The following EPHA5 variants were observed in gnomAD, a reference collection of about 807,000 sequenced individuals.
EPHA5 encodes EPH receptor A5.
Under a neutral mutation model 105.0 loss-of-function variants are expected in EPHA5, and 60 were observed. The observed-to-expected ratio is 0.57, with a 90% CI of 0.46 to 0.71. EPHA5 has a LOEUF of 0.71. Among genes scored for constraint, EPHA5 ranks in the 30% least tolerant of loss-of-function variants. The pLI is 0.00. For synonymous variants in EPHA5, 513 were observed against 449.1 expected (o/e 1.14, Z -1.80); for missense variants, 1,218 against 1,274.7 (o/e 0.96, Z 0.68).
intron 3 of EPHA5, among the ~76,000 whole-genome samples, chr4:65,527,651 T>C (rs528859894): frequency 2.3e-4 from 35 of 152,114 alleles, no homozygotes; most frequent in Non-Finnish European, 3.7e-4. Context: ...TACTGGAACA[T>C]ACTAGGAAGT....
intron 3 of EPHA5, among the ~76,000 whole-genome samples, chr4:65,521,086 T>G (rs1367203884): frequency 6.6e-6 from 1 of 152,146 alleles, no homozygotes; most frequent in African/African-American, 2.4e-5. Context: ...GTATGTTTAT[T>G]GCGGCACTAT....
chr4:65,496,175 C>G (rs1487257769), intron 3 of EPHA5, among the ~76,000 whole-genome samples: 1 of 152,128 alleles, frequency 6.6e-6, no homozygotes, highest in South Asian at 2.1e-4. Context: ...ATTCTAATAT[C>G]AGTAAGGCTT....
At chr4:65,582,184 T>A (rs181579675) in intron 3 of EPHA5, among the ~76,000 whole-genome samples, 44 of 151,830 alleles carry the variant, frequency 2.9e-4, no homozygotes, top group African/African-American at 1.0e-3. Context: ...AAACCAGGAC[T>A]GTTACTGTGA....
At chr4:65,400,243 G>A (rs1721683457) in intron 8 of EPHA5, among the ~76,000 whole-genome samples, 1 of 152,122 alleles carries the variant, frequency 6.6e-6, no homozygotes, top group Non-Finnish European at 1.5e-5. Context: ...TGTCATTAGT[G>A]ATAAAAGAGA....
intron 2 of EPHA5, among the ~76,000 whole-genome samples, chr4:65,636,341 A>G (rs1468993735): frequency 2.0e-5 from 3 of 152,104 alleles, no homozygotes; most frequent in Non-Finnish European, 4.4e-5. Flanking sequence ...TCTTGTAGGT[A>G]TAAAGTAAAA....
intron 1 of EPHA5, among the ~76,000 whole-genome samples, chr4:65,650,567 A>AAAAAAAAAAAAAAAAAAG (rs1748522758): frequency 6.6e-6 from 1 of 150,996 alleles, no homozygotes; most frequent in African/African-American, 2.4e-5. Flanking sequence ...CTCAAAAAAA[A>AAAAAAAAAAAAAAAAAAG]AAAAAGAGCT....
Position 65,643,367 on chromosome 4 carries a change from T to G in EPHA5, c.242A>C (p.Asn81Thr), listed in dbSNP as rs33932471. The change falls in exon 2 of 17, where the codon AAT (asparagine) becomes ACT (threonine). Residue 81 changes from asparagine (N) to threonine (T), a missense_variant. Physicochemically the swap from Asn to Thr is moderately conservative, Grantham distance 65. Coordinates refer to ENST00000613740, the MANE Select transcript of EPHA5 (RefSeq NM_001281766.3). ...GDLGWIAFPK[N>T]GWEEIGEVDE... is the part of the protein sequence containing the mutation. ...AAAAACTTTCATAAAACTTACCCCA[T>G]TTTTTGGAAAAGCAATCCATCCCAG... 91,553 of 1,611,448 alleles carry G rather than the reference T, an allele frequency of 0.057. 2,874 individuals carry two copies. Among genetic ancestry groups the G allele is most frequent in the Middle Eastern group, 0.071 (429 of 6,056 alleles).
intron 1 of EPHA5, among the ~76,000 whole-genome samples, chr4:65,655,573 G>A (rs1309181693): frequency 6.6e-6 from 1 of 152,010 alleles, no homozygotes; most frequent in Non-Finnish European, 1.5e-5. Flanking sequence ...TGATATAATT[G>A]CAAACTAGTT....
At chr4:65,438,754 A>G (rs1040250651) in intron 5 of EPHA5, among the ~76,000 whole-genome samples, 2 of 150,094 alleles carry the variant, frequency 1.3e-5, no homozygotes, top group African/African-American at 2.4e-5. Context: ...AGATGGTTAG[A>G]GGTTTTATTT....
chr4:65,322,155 G>A lies in EPHA5; in HGVS notation c.*1959C>T, dbSNP rs1719686743. ...GCAGCACAGTTTGTGTGGACCCATG[G>A]TATATAGCCCTTATTATTATGAGAA... On this transcript the variant is annotated 3_prime_UTR_variant, in exon 17 of 17. Coordinates refer to ENST00000613740, the MANE Select transcript of EPHA5 (RefSeq NM_001281766.3). The A allele has an allele frequency of 4.5e-6, 1 of 224,278 alleles. No homozygotes were observed. The highest frequency in any genetic ancestry group is 5.8e-5 in the Admixed American group (1 of 17,362). The allele number at this position is 224,278 out of a possible 1,614,324, so 13.9% of individuals were successfully genotyped here. A position where few individuals can be genotyped will look rare whatever the true frequency, so the allele number is the denominator to read the frequency against.
At chr4:65,367,240 A>G in intron 9 of EPHA5, 117 bp downstream of exon 9, 2 of 885,586 alleles carry the variant, frequency 2.3e-6, no homozygotes, top group Non-Finnish European at 1.7e-6. Flanking sequence ...CACTTTTAAA[A>G]AAAAAAAAAA....
chr4:65,351,671 A>C, intron 12 of EPHA5, 73 bp from the exon 13 acceptor site: 1 of 1,321,318 alleles, frequency 7.6e-7, no homozygotes, highest in Non-Finnish European at 1.1e-6. Context: ...GTCTGTATTC[A>C]ATCCCCCAAA....
At chr4:65,523,677 G>A (rs1211435229) in intron 3 of EPHA5, among the ~76,000 whole-genome samples, 2 of 151,958 alleles carry the variant, frequency 1.3e-5, no homozygotes, top group East Asian at 3.9e-4. Flanking sequence ...GAAGAAGACA[G>A]ACTTTACACA....
intron 3 of EPHA5, among the ~76,000 whole-genome samples, chr4:65,535,783 G>A (rs1736230707): frequency 6.6e-6 from 1 of 151,944 alleles, no homozygotes; most frequent in South Asian, 2.1e-4. Flanking sequence ...GGAAACAGTA[G>A]TATTGATTTG....
At chr4:65,461,292 C>T (rs13149371) in intron 5 of EPHA5, among the ~76,000 whole-genome samples, 36,677 of 151,718 alleles carry the variant, frequency 0.24, 5,244 homozygotes, top group Middle Eastern at 0.39. Flanking sequence ...TTCCATTTGG[C>T]TATACAATCT....
Position 65,321,636 on chromosome 4 carries a change from T to C in EPHA5, c.*2478A>G, listed in dbSNP as rs1719647796. 1 of 229,318 alleles carries C rather than the reference T, an allele frequency of 4.4e-6. No individual in the cohort carries two copies. The highest frequency in any genetic ancestry group is 6.2e-5 in the East Asian group (1 of 16,172). 14.2% of individuals were successfully genotyped at this position (229,318 alleles called of 1,614,324 possible). On this transcript the variant is annotated 3_prime_UTR_variant, in exon 17 of 17. Coordinates refer to ENST00000613740, the MANE Select transcript of EPHA5 (RefSeq NM_001281766.3). ...CCTTTCAATTTACTTTCCAAAATGA[T>C]CACCAAGATTGCAAAGAAGGCAAAT...
intron 8 of EPHA5, among the ~76,000 whole-genome samples, chr4:65,395,432 C>A (rs1721123062): frequency 1.3e-5 from 2 of 152,168 alleles, no homozygotes; most frequent in Non-Finnish European, 2.9e-5. Context: ...TACAACCTAT[C>A]TTACTTCAAG....
At chr4:65,580,494 A>G (rs146122436) in intron 3 of EPHA5, among the ~76,000 whole-genome samples, 1,575 of 151,994 alleles carry the variant, frequency 0.01, 12 homozygotes, top group Non-Finnish European at 0.015. Flanking sequence ...CAGAAAACCC[A>G]TTTTGAAAAA....
At chr4:65,546,955 T>G (rs1737436105) in intron 3 of EPHA5, among the ~76,000 whole-genome samples, 1 of 152,014 alleles carries the variant, frequency 6.6e-6, no homozygotes, top group African/African-American at 2.4e-5. Context: ...AATTTCAACC[T>G]CTTCCCTAAC....
Sources: allele counts gnomAD v4.1 joint callset (sites outside exome capture counted in the v4.1 genomes callset), GRCh38; gene constraint gnomAD v4.1.1; transcripts MANE v1.5; gene names NCBI Gene and HGNC (gene_info 2026-07-23, HGNC 2026-07-21).